The following CNTNAP2 variants were observed in gnomAD, a reference collection of about 807,000 sequenced individuals.
CNTNAP2 encodes contactin associated protein 2, also known as contactin-associated protein-like 2.
A neutral mutation model predicts 155.2 loss-of-function variants in CNTNAP2; 98 were observed. The ratio of observed to expected loss-of-function variants is 0.63; its 90% CI spans 0.54 to 0.75. The LOEUF (loss-of-function observed/expected upper bound fraction) is 0.75. Among genes scored for constraint, CNTNAP2 ranks in the 30% least tolerant of loss-of-function variants. CNTNAP2 has a pLI of 0.00. For missense variants in CNTNAP2, 1,727 were observed against 1,688.1 expected (o/e 1.02, Z -0.40); for synonymous variants, 651 against 631.2 (o/e 1.03, Z -0.47).
At chr7:146,719,165 C>A (rs531351051) in intron 1 of CNTNAP2, among the ~76,000 whole-genome samples, 1 of 152,154 alleles carries the variant, frequency 6.6e-6, no homozygotes, top group Non-Finnish European at 1.5e-5. Flanking sequence ...TCAATTCTTG[C>A]ACCTGATTTG....
rs548392139 is a variant in CNTNAP2, at chr7:146,782,936, T to C, written c.208+8555T>C. On this transcript the variant is annotated intron_variant, in intron 2 of 23. Transcript: ENST00000361727. Reference sequence around the variant, plus strand: ...AAAATTTATTGTTTAAATTTGTGTATTTGCCAATGTATGTGTGTTTTCCCC... The same window carrying C: ...AAAATTTATTGTTTAAATTTGTGTACTTGCCAATGTATGTGTGTTTTCCCC... Among the ~76,000 whole-genome samples the C allele has an allele frequency of 5.9e-5, 9 of 152,330 alleles. No homozygotes were observed. In the East Asian group the frequency reaches 1.5e-3, roughly 26 times the overall value.
intron 21 of CNTNAP2, among the ~76,000 whole-genome samples, chr7:148,292,388 A>G (rs1446608271): frequency 2.6e-5 from 4 of 152,236 alleles, no homozygotes; most frequent in African/African-American, 9.6e-5. Flanking sequence ...TGCAAGTTCT[A>G]CATTTCATGT....
chr7:147,800,489 G>C (rs749062111), intron 13 of CNTNAP2, among the ~76,000 whole-genome samples: 1 of 151,798 alleles, frequency 6.6e-6, no homozygotes, highest in Non-Finnish European at 1.5e-5. Context: ...AAAAAAAAGT[G>C]ACTAACTTCC....
intron 12 of CNTNAP2, among the ~76,000 whole-genome samples, chr7:147,606,920 C>A (rs374113167): frequency 0.014 from 1,136 of 81,538 alleles, 15 homozygotes; most frequent in African/African-American, 0.058. Flanking sequence ...TTTTGATAAG[C>A]CTCACAGAGA....
intron 10 of CNTNAP2, among the ~76,000 whole-genome samples, chr7:147,443,183 A>G (rs779753056): frequency 6.6e-6 from 1 of 152,032 alleles, no homozygotes; most frequent in Non-Finnish European, 1.5e-5. Context: ...GCTTGTGGGA[A>G]CTCAAGCACT....
At chr7:146,650,334 C>T (rs1266986099) in intron 1 of CNTNAP2, among the ~76,000 whole-genome samples, 1 of 152,090 alleles carries the variant, frequency 6.6e-6, no homozygotes, top group Non-Finnish European at 1.5e-5. Context: ...GAAAATGTGG[C>T]ATATATACCC....
intron 2 of CNTNAP2, among the ~76,000 whole-genome samples, chr7:146,805,753 A>G (rs1266473697): frequency 6.6e-6 from 1 of 152,168 alleles, no homozygotes; most frequent in Non-Finnish European, 1.5e-5. Context: ...CTCCTTCTGA[A>G]AAAAGGAGAG....
intron 1 of CNTNAP2, among the ~76,000 whole-genome samples, chr7:146,471,223 C>G (rs1796792800): frequency 6.6e-6 from 1 of 152,176 alleles, no homozygotes; most frequent in Non-Finnish European, 1.5e-5. Context: ...TGGGTGAGAA[C>G]TTGCTCTTGT....
At chr7:146,220,161 G>A (rs802531) in intron 1 of CNTNAP2, among the ~76,000 whole-genome samples, 128,704 of 152,146 alleles carry the variant, frequency 0.85, 54,534 homozygotes, top group East Asian at 0.99. Context: ...TAATTTTGTA[G>A]GAGCTGACAA....
intron 21 of CNTNAP2, among the ~76,000 whole-genome samples, chr7:148,294,114 G>A (rs1199556884): frequency 6.7e-6 from 1 of 149,124 alleles, no homozygotes; most frequent in Non-Finnish European, 1.5e-5. Flanking sequence ...AGCAGGCGGT[G>A]TTTCCTATTC....
intron 3 of CNTNAP2, among the ~76,000 whole-genome samples, chr7:146,917,262 G>A (rs1488085481): frequency 6.6e-6 from 1 of 152,132 alleles, no homozygotes; most frequent in Non-Finnish European, 1.5e-5. Context: ...TCCATGAGCT[G>A]ATAAATAGAA....
intron 1 of CNTNAP2, among the ~76,000 whole-genome samples, chr7:146,674,333 T>C (rs187578982): frequency 1.6e-4 from 24 of 152,300 alleles, no homozygotes; most frequent in Non-Finnish European, 2.6e-4. Flanking sequence ...TTACGTACTT[T>C]CTTAGTAATA....
chr7:146,535,436 A>ATGATAT (rs1797852994), intron 1 of CNTNAP2, among the ~76,000 whole-genome samples: 1 of 116,026 alleles, frequency 8.6e-6, no homozygotes, highest in African/African-American at 3.8e-5. Flanking sequence ...TATATTATAT[A>ATGATAT]CATGGTCATG....
At chr7:147,051,136 G>T (rs1400467749) in intron 4 of CNTNAP2, among the ~76,000 whole-genome samples, 1 of 149,194 alleles carries the variant, frequency 6.7e-6, no homozygotes, top group Non-Finnish European at 1.5e-5. Context: ...GGCTGGACAT[G>T]GACTTTTGGA....
At chr7:146,188,925 G>C (rs945386112) in intron 1 of CNTNAP2, among the ~76,000 whole-genome samples, 1 of 152,032 alleles carries the variant, frequency 6.6e-6, no homozygotes, top group African/African-American at 2.4e-5. Context: ...TAACCACCCA[G>C]GTAAAATTAA....
At position 146,175,498 on chromosome 7, in the gene CNTNAP2, A is replaced by G. The variant is rs918399495; in HGVS notation, c.97+58525A>G. Among the ~76,000 whole-genome samples the G allele has an allele frequency of 9.2e-5, 14 of 152,294 alleles. No individual in the cohort carries two copies. In the East Asian group the frequency reaches 9.7e-4, roughly 11 times the overall value. ...ACCGTTAATGATCCATCTCAGTATG[A>G]TGGGCAAAGATGTATTACATGAACC... On this transcript the variant is annotated intron_variant, in intron 1 of 23. Coordinates refer to ENST00000361727, the MANE Select transcript of CNTNAP2 (RefSeq NM_014141.6).
intron 13 of CNTNAP2, among the ~76,000 whole-genome samples, chr7:147,751,466 C>G (rs1388295929): frequency 1.3e-5 from 1 of 78,750 alleles, no homozygotes; most frequent in Non-Finnish European, 3.1e-5. Context: ...TGTTCAAGCT[C>G]AAGATATAAA....
rs887463098 is a variant in CNTNAP2 at position 146,849,534 on chromosome 7, C to G, written c.402+9630C>G. 2.0e-5 allele frequency among the ~76,000 whole-genome samples: 3 copies of G among 152,182 alleles called. No individual in the cohort carries two copies. The East Asian group carries it at 5.8e-4, about 29-fold the overall frequency. On this transcript the variant is annotated intron_variant, in intron 3 of 23. Coordinates refer to ENST00000361727, the MANE Select transcript of CNTNAP2 (RefSeq NM_014141.6). Reference sequence around the variant, plus strand: ...GGGCTCTGGACCGGACCTCAAATATCTGAACTCTGCTCCAACACTTTCTCG... The same window carrying G: ...GGGCTCTGGACCGGACCTCAAATATGTGAACTCTGCTCCAACACTTTCTCG...
chr7:146,721,391 C>CTATATATATTCTATATATATTCTA (rs1229042586), intron 1 of CNTNAP2, among the ~76,000 whole-genome samples: 5,024 of 118,652 alleles, frequency 0.042, 609 homozygotes, highest in African/African-American at 0.14. Flanking sequence ...TATATACATT[C>CTATATATATTCTATATATATTCTA]TATATACATT....
Sources: allele counts gnomAD v4.1 joint callset (sites outside exome capture counted in the v4.1 genomes callset), GRCh38; gene constraint gnomAD v4.1.1; transcripts MANE v1.5; gene names NCBI Gene and HGNC (gene_info 2026-07-23, HGNC 2026-07-21).